Variants in EIF2D observed in about 807,000 individuals in gnomAD.
EIF2D encodes eukaryotic translation initiation factor 2D.
A neutral mutation model predicts 77.4 loss-of-function variants in EIF2D; 56 were observed. The ratio of observed to expected loss-of-function variants is 0.72; its 90% confidence interval spans 0.58 to 0.90. The LOEUF (loss-of-function observed/expected upper bound fraction) is 0.90. Ranked by LOEUF, EIF2D falls within the 40% of genes least tolerant of loss-of-function variation. The pLI is 0.00. For synonymous variants in EIF2D, 230 were observed against 271.0 expected (o/e 0.85, Z 1.49); for missense variants, 574 against 706.5 (o/e 0.81, Z 2.13).
At position 206,584,796 on chromosome 1, in the gene EIF2D, CA is replaced by C. The variant is rs782013525; in HGVS notation, c.139-3635del. 23 of 1,146,028 alleles carry C rather than the reference CA, an allele frequency of 2.0e-5. No homozygotes were observed. The South Asian group carries it at 3.3e-4, about 16-fold the overall frequency. The allele number at this position is 1,146,028 out of a possible 1,614,324, so 71.0% of individuals were successfully genotyped here. A position where few individuals can be genotyped will look rare whatever the true frequency, so the allele number is the denominator to read the frequency against. On this transcript the variant is annotated intron_variant and NMD_transcript_variant, in intron 2 of 5. Coordinates refer to the EIF2D transcript ENST00000472709. This position sits in a 1 kb window ranked among gnomAD's most constrained non-coding sequence, Gnocchi z 4.9. Reference sequence around the variant, plus strand: ...GGAGCTGTGGGCTTCTCCTGAGCACCAGGGGTCCAGCTGCCCATGTGGTGTT... The same window carrying C: ...GGAGCTGTGGGCTTCTCCTGAGCACCGGGGTCCAGCTGCCCATGTGGTGTT...
downstream of EIF2D, among the ~76,000 whole-genome samples, chr1:206,590,203 G>A (rs377412526): frequency 6.6e-5 from 10 of 152,260 alleles, no homozygotes; most frequent in East Asian, 1.3e-3. Context: ...ATGTGTCACC[G>A]TTACTGGAAA....
At chr1:206,572,375 A>G (rs1553404355) in intron 5 of EIF2D, among the ~76,000 whole-genome samples, 1 of 152,144 alleles carries the variant, frequency 6.6e-6, no homozygotes, top group East Asian at 1.9e-4. Context: ...GTGGCTGTGG[A>G]TATCAGAAAA....
exon 6 of EIF2D, chr1:206,571,421 T>C (rs1319579126): frequency 4.0e-5 from 6 of 151,870 alleles, no homozygotes; most frequent in African/African-American, 1.5e-4. Context: ...TGGGATGGGG[T>C]ATTGGGATCC....
chr1:206,570,927 C>T (rs1456640546), downstream of EIF2D, among the ~76,000 whole-genome samples: 1 of 152,102 alleles, frequency 6.6e-6, no homozygotes, highest in East Asian at 1.9e-4. Flanking sequence ...TGAGTCCTTG[C>T]TCTCACATCT....
Position 206,612,436 on chromosome 1 carries a change from C to A in EIF2D, c.-94G>T, listed in dbSNP as rs934478314. ...GCTGCCAGGCCCTCAGCCGTGGGGGCAGCCATGCTGGGGCCCGGCCGCGAA... is the reference window on the plus strand; with the variant it reads ...GCTGCCAGGCCCTCAGCCGTGGGGGAAGCCATGCTGGGGCCCGGCCGCGAA... On this transcript the variant is annotated 5_prime_UTR_variant, in exon 1 of 15. Transcript: ENST00000271764. 42 of 1,539,778 alleles carry A rather than the reference C, an allele frequency of 2.7e-5. No individual in the cohort carries two copies. Among genetic ancestry groups the A allele is most frequent in the African/African-American group, 5.4e-5 (4 of 73,496 alleles).
At chr1:206,593,110 CA>C (rs71816820) in intron 14 of EIF2D, among the ~76,000 whole-genome samples, 4,307 of 145,010 alleles carry the variant, frequency 0.03, 209 homozygotes, top group African/African-American at 0.1. Flanking sequence ...GATTCTGTTT[CA>C]AAAAAAAAAA....
At position 206,584,864 on chromosome 1, in the gene EIF2D, C is replaced by G; in HGVS notation, c.139-3702G>C. On this transcript the variant is annotated intron_variant and NMD_transcript_variant, in intron 2 of 5. Coordinates refer to the EIF2D transcript ENST00000472709. The surrounding 1 kb of genome is among the most constrained non-coding windows in gnomAD (Gnocchi z 4.9). ...GGGCAGGGAGGCAAGAGCAGAGTCCCTGACTCTGCATGTGACTTCAGGAAA... is the reference window on the plus strand; with the variant it reads ...GGGCAGGGAGGCAAGAGCAGAGTCCGTGACTCTGCATGTGACTTCAGGAAA... 1 of 665,118 alleles carries G rather than the reference C, an allele frequency of 1.5e-6. No homozygotes were observed. The highest frequency in any genetic ancestry group is 2.5e-6 in the Non-Finnish European group (1 of 393,052). 41.2% of individuals were successfully genotyped at this position (665,118 alleles called of 1,614,324 possible). A position where few individuals can be genotyped will look rare whatever the true frequency, so the allele number is the denominator to read the frequency against.
At chr1:206,608,209 C>A (rs1385899321) in intron 4 of EIF2D, 27 bp downstream of exon 4, 7 of 1,599,462 alleles carry the variant, frequency 4.4e-6, no homozygotes, top group Admixed American at 1.7e-5. Flanking sequence ...GTTTTTCCCC[C>A]AAAGGCACAG....
chr1:206,600,191 T>A (rs1669854801), intron 8 of EIF2D, 72 bp downstream of exon 8: 1 of 1,446,572 alleles, frequency 6.9e-7, no homozygotes, highest in African/African-American at 1.4e-5. Context: ...TTCCCCAGCA[T>A]CCATCTGGCT....
intron 2 of EIF2D, chr1:206,585,390 A>C (rs1669072591): frequency 1.2e-6 from 1 of 867,570 alleles, no homozygotes; most frequent in Non-Finnish European, 2.0e-6. Flanking sequence ...GGTGGGAGCC[A>C]CGCAGCACGG....
At chr1:206,604,206 G>T (rs892902692) in intron 5 of EIF2D, among the ~76,000 whole-genome samples, 10 of 152,208 alleles carry the variant, frequency 6.6e-5, no homozygotes, top group Non-Finnish European at 1.3e-4. Flanking sequence ...ACTTTGGGAG[G>T]CCTAGATGGG....
At chr1:206,596,328 T>C (rs1669646495) in intron 12 of EIF2D, among the ~76,000 whole-genome samples, 1 of 152,240 alleles carries the variant, frequency 6.6e-6, no homozygotes. Flanking sequence ...TCAACAACTT[T>C]TTCTATAAAG....
chr1:206,591,834 G>A lies in EIF2D; in HGVS notation c.1696C>T (p.Leu566Phe), dbSNP rs1553409014. The A allele has an allele frequency of 6.2e-7, 1 of 1,614,136 alleles. No individual in the cohort carries two copies. Among genetic ancestry groups the A allele is most frequent in the Non-Finnish European group, 8.5e-7 (1 of 1,180,022 alleles). Residue 566 changes from leucine (L) to phenylalanine (F), a missense_variant, in exon 15 of 15, where the codon CTC becomes TTC. Transcript: ENST00000271764. Reference protein sequence around the residue: ...LGWLLLEEYQLPRKHIQGLEK... With the variant: ...LGWLLLEEYQFPRKHIQGLEK... Reference sequence around the variant, plus strand: ...AGACCTTGGATGTGTTTTCGAGGGAGCTGATACTCTTCTACAATCCAAAAA... The same window carrying A: ...AGACCTTGGATGTGTTTTCGAGGGAACTGATACTCTTCTACAATCCAAAAA...
chr1:206,602,367 T>G lies in EIF2D; in HGVS notation c.871A>C (p.Thr291Pro), dbSNP rs1371153832. The G allele has an allele frequency of 6.2e-7, 1 of 1,614,206 alleles. No individual in the cohort carries two copies. The highest frequency in any genetic ancestry group is 2.2e-5 in the East Asian group (1 of 44,882). The stretch of plus-strand genomic sequence containing the variant: ...GAGAACATGTGGCTGCCAAGGAAAG[T>G]GCTGGTGAGTAAAGGGAGGTCAGCC... ...KKADLPLLTS[T>P]FLGSHMFSCC... Residue 291 changes from threonine to proline, a missense_variant, in exon 7 of 15, where the codon ACT becomes CCT. Physicochemically the swap from Thr to Pro is conservative, Grantham distance 38. Coordinates refer to ENST00000271764, the MANE Select transcript of EIF2D (RefSeq NM_006893.3).
At chr1:206,573,477 C>T (rs1316947600) in intron 4 of EIF2D, among the ~76,000 whole-genome samples, 6 of 152,180 alleles carry the variant, frequency 3.9e-5, no homozygotes, top group Admixed American at 6.5e-5. Flanking sequence ...AAGACAGGCA[C>T]GGGTGCTTCT....
chr1:206,597,203 G>A lies in EIF2D; in HGVS notation c.1293-8C>T, dbSNP rs782183155. ...GGATCCAATCTCACAAGACTAAAGG[G>A]AAAGAAGAGGCAATGAAGAAATCCT... On this transcript the variant is annotated splice_polypyrimidine_tract_variant and splice_region_variant and intron_variant, in intron 11 of 14. Coordinates refer to ENST00000271764, the MANE Select transcript of EIF2D (RefSeq NM_006893.3). The A allele has an allele frequency of 6.2e-7, 1 of 1,605,976 alleles. No individual in the cohort carries two copies. Among genetic ancestry groups the A allele is most frequent in the South Asian group, 1.1e-5 (1 of 90,862 alleles).
chr1:206,607,960 C>T (rs1553413020), intron 4 of EIF2D, among the ~76,000 whole-genome samples: 1 of 151,814 alleles, frequency 6.6e-6, no homozygotes, highest in Non-Finnish European at 1.5e-5. Context: ...CTTTGCAACT[C>T]TTCTGTAAAT....
downstream of EIF2D, among the ~76,000 whole-genome samples, chr1:206,591,444 G>A (rs1669334721): frequency 6.6e-6 from 1 of 152,156 alleles, no homozygotes; most frequent in Admixed American, 6.5e-5. Context: ...TTGGTAGAAG[G>A]TCTTTAAAAA....
intron 2 of EIF2D, chr1:206,585,127 G>A: frequency 7.2e-7 from 1 of 1,389,210 alleles, no homozygotes; most frequent in Admixed American, 1.7e-5. Flanking sequence ...GCAAGCCTGG[G>A]CCCCGCCCTT....
Sources: allele counts gnomAD v4.1 joint callset (sites outside exome capture counted in the v4.1 genomes callset), GRCh38; gene constraint gnomAD v4.1.1; non-coding constraint Gnocchi (gnomAD v3.1); transcripts MANE v1.5; gene names NCBI Gene and HGNC (gene_info 2026-07-23, HGNC 2026-07-21).